Variants in PLEKHG4B observed in about 807,000 individuals in gnomAD.
The protein encoded by PLEKHG4B is pleckstrin homology domain-containing family G member 4B.
A neutral mutation model predicts 121.3 loss-of-function variants in PLEKHG4B; 111 were observed. The ratio of observed to expected loss-of-function variants is 0.92; its 90% CI spans 0.78 to 1.07. The LOEUF is 1.07. PLEKHG4B is among the 50% of genes least tolerant of loss of function. The pLI, the probability that PLEKHG4B is intolerant of heterozygous loss-of-function variation, is 0.00. For synonymous variants in PLEKHG4B, 738 were observed against 725.0 expected (o/e 1.02, Z -0.29); for missense variants, 1,831 against 1,757.8 (o/e 1.04, Z -0.74).
intron 1 of PLEKHG4B, among the ~76,000 whole-genome samples, chr5:107,653 C>A (rs1351588765): frequency 3.3e-5 from 5 of 152,256 alleles, no homozygotes; most frequent in Non-Finnish European, 2.9e-5. Context: ...TCTGGCCTCA[C>A]CCTGAACTGT....
Position 159,619 on chromosome 5 carries a change from C to T in PLEKHG4B, c.2488-2164C>T, listed in dbSNP as rs1212021460. On this transcript the variant is annotated intron_variant, in intron 11 of 19. Coordinates refer to ENST00000637938, the MANE Select transcript of PLEKHG4B (RefSeq NM_052909.5). The surrounding 1 kb of genome is among the most constrained non-coding windows in gnomAD (Gnocchi z 5.5). ...GATGAGTCTGCACAGTCTGTGGCTT[C>T]TGTGGGTTTGTTCTGGCGCCAGAGG... is the stretch of plus-strand genomic sequence containing the variant. Among the ~76,000 whole-genome samples the T allele has an allele frequency of 1.3e-5, 2 of 152,162 alleles. No homozygotes were observed. Among genetic ancestry groups the T allele is most frequent in the Non-Finnish European group, 2.9e-5 (2 of 68,034 alleles).
chr5:134,106 T>C (rs1734872326), intron 2 of PLEKHG4B, among the ~76,000 whole-genome samples: 1 of 128,898 alleles, frequency 7.8e-6, no homozygotes, highest in South Asian at 2.5e-4. Flanking sequence ...TATATATATA[T>C]ATATATATAT....
chr5:145,793 AG>A (rs1434239955), intron 6 of PLEKHG4B, among the ~76,000 whole-genome samples: 1 of 152,034 alleles, frequency 6.6e-6, no homozygotes, highest in Non-Finnish European at 1.5e-5. Context: ...GTCCAGGGAC[AG>A]GGACAGGGAG....
In PLEKHG4B at chr5:113,286, G is replaced by T. The variant is rs924129753; in HGVS notation, c.81G>T (p.Thr27=). Residue 27 remains threonine, a synonymous_variant, in exon 2 of 20, where the codon ACG becomes ACT. Transcript: ENST00000637938. This position sits in a 1 kb window ranked among gnomAD's most constrained non-coding sequence, Gnocchi z 5.2. Reference sequence around the variant, plus strand: ...CTCTTGATGCCTGTATCCAGAGGACGCTCTCTGCCTTGTACCCACCGTTTG... The same window carrying T: ...CTCTTGATGCCTGTATCCAGAGGACTCTCTCTGCCTTGTACCCACCGTTTG... ...LESLDACIQR[T]LSALYPPFEA... The T allele has an allele frequency of 5.8e-5, 23 of 399,062 alleles. No homozygotes were observed. In the East Asian group the frequency reaches 8.2e-4, roughly 14 times the overall value. 24.7% of individuals were successfully genotyped at this position (399,062 alleles called of 1,614,324 possible). A position where few individuals can be genotyped will look rare whatever the true frequency, so the allele number is the denominator to read the frequency against.
chr5:135,187 CAAAAAAAA>C (rs35601775), intron 2 of PLEKHG4B, among the ~76,000 whole-genome samples: 8 of 48,778 alleles, frequency 1.6e-4, no homozygotes, highest in Admixed American at 4.4e-4. Flanking sequence ...GACTCCAGCT[CAAAAAAAA>C]AAAAAAAAAA....
rs1209447595 is a variant in PLEKHG4B, at chr5:189,683, C to T, written c.*7360C>T. 6.7e-6 allele frequency: 1 copy of T among 148,700 alleles called. No homozygotes were observed. 9.2% of individuals were successfully genotyped at this position (148,700 alleles called of 1,614,324 possible). ...GGAACCCCAAGAGGACCACCCCTCT[C>T]TAAAAGAAGGGAAAACAGTAAGCGA... On this transcript the variant is annotated 3_prime_UTR_variant, in exon 20 of 20. Transcript: ENST00000637938.
chr5:106,238 G>A (rs1733970569), intron 1 of PLEKHG4B, among the ~76,000 whole-genome samples: 1 of 152,126 alleles, frequency 6.6e-6, no homozygotes, highest in Admixed American at 6.5e-5. Context: ...GCATATTGTG[G>A]TTCTCCTCCT....
At chr5:181,924 A>G in intron 19 of PLEKHG4B, 80 bp from the exon 20 acceptor site, 1 of 1,486,858 alleles carries the variant, frequency 6.7e-7, no homozygotes, top group Non-Finnish European at 9.3e-7. Flanking sequence ...GGCCTTTCAG[A>G]CGGCTCTGAT....
At chr5:115,931 G>C (rs1430893825) in intron 2 of PLEKHG4B, among the ~76,000 whole-genome samples, 1 of 152,196 alleles carries the variant, frequency 6.6e-6, no homozygotes, top group East Asian at 1.9e-4. Flanking sequence ...TATCATTTGT[G>C]TGTTCCTTAG....
At chr5:171,479 T>A in intron 16 of PLEKHG4B, 35 bp downstream of exon 16, 1 of 1,527,242 alleles carries the variant, frequency 6.5e-7, no homozygotes, top group Non-Finnish European at 8.8e-7. Context: ...TCAGGCAAGC[T>A]GGGGGAATTT....
intron 1 of PLEKHG4B, among the ~76,000 whole-genome samples, chr5:92,518 A>AGGCG (rs1169439831): frequency 1.2e-4 from 1 of 8,206 alleles, no homozygotes; most frequent in Admixed American, 1.6e-3. Context: ...GCGAGCATCA[A>AGGCG]GGCGGGCGGG....
chr5:106,061 T>A (rs1733967007), intron 1 of PLEKHG4B, among the ~76,000 whole-genome samples: 1 of 152,196 alleles, frequency 6.6e-6, no homozygotes, highest in South Asian at 2.1e-4. Context: ...CTAGCCATAG[T>A]TTGGAATGAA....
chr5:138,300 C>T lies in PLEKHG4B; in HGVS notation c.244-1183C>T, dbSNP rs565604876. On this transcript the variant is annotated intron_variant, in intron 2 of 19. Coordinates refer to ENST00000637938, the MANE Select transcript of PLEKHG4B (RefSeq NM_052909.5). ...AAATTTGCCATATCAATGATAGTTC[C>T]GTTTTATGCCTCCTGTTCAGTATAT... is the stretch of plus-strand genomic sequence containing the variant. 3.2e-4 allele frequency among the ~76,000 whole-genome samples: 48 copies of T among 152,242 alleles called. No individual in the cohort carries two copies. In the South Asian group the frequency reaches 1.0e-2, roughly 32 times the overall value.
chr5:181,691 C>T lies in PLEKHG4B; in HGVS notation c.4564+16C>T. The T allele has an allele frequency of 1.2e-6, 2 of 1,606,634 alleles. No homozygotes were observed. The highest frequency in any genetic ancestry group is 1.7e-6 in the Non-Finnish European group (2 of 1,176,238). On this transcript the variant is annotated intron_variant, in intron 19 of 19. Coordinates refer to ENST00000637938, the MANE Select transcript of PLEKHG4B (RefSeq NM_052909.5). ...AAGGGCACAGGTACGGTGGCTCGGT[C>T]CCGCCCTCACTCACCCTGCAGAGGG...
intron 1 of PLEKHG4B, among the ~76,000 whole-genome samples, chr5:96,962 A>G (rs1228520674): frequency 2.0e-5 from 3 of 152,266 alleles, no homozygotes; most frequent in Non-Finnish European, 4.4e-5. Flanking sequence ...AACCATTTTA[A>G]AGTAAACAGT....
chr5:97,589 G>A (rs968603195), intron 1 of PLEKHG4B, among the ~76,000 whole-genome samples: 4 of 152,186 alleles, frequency 2.6e-5, no homozygotes, highest in Admixed American at 6.5e-5. Context: ...TTAGCACGAC[G>A]TTTGTGAACC....
chr5:124,902 G>A (rs547472378), intron 2 of PLEKHG4B, among the ~76,000 whole-genome samples: 1 of 151,882 alleles, frequency 6.6e-6, no homozygotes, highest in South Asian at 2.1e-4. Context: ...GGGAGGCCAA[G>A]GTGGGTGGAT....
intron 2 of PLEKHG4B, among the ~76,000 whole-genome samples, chr5:126,492 A>G (rs1296848712): frequency 2.6e-5 from 4 of 152,070 alleles, no homozygotes; most frequent in Non-Finnish European, 5.9e-5. Flanking sequence ...GTCTTTTCCT[A>G]GTAGGTCTAC....
chr5:97,620 C>T lies in PLEKHG4B; in HGVS notation c.45+5344C>T, dbSNP rs551743796. On this transcript the variant is annotated intron_variant, in intron 1 of 19. Transcript: ENST00000637938. ...GAACCTCATCTGTTGCACCATGTGT[C>T]GGTATTTCGTATCTTTTCATGGCTG... Among the ~76,000 whole-genome samples, 55 of 152,300 alleles carry T rather than the reference C, an allele frequency of 3.6e-4. 1 individual carries two copies. The highest frequency in any genetic ancestry group is 1.2e-3 in the African/African-American group (48 of 41,556).
Sources: allele counts gnomAD v4.1 joint callset (sites outside exome capture counted in the v4.1 genomes callset), GRCh38; gene constraint gnomAD v4.1.1; non-coding constraint Gnocchi (gnomAD v3.1); transcripts MANE v1.5; gene names NCBI Gene and HGNC (gene_info 2026-07-23, HGNC 2026-07-21).